MIA2: variants seen among roughly 807,000 people sequenced by gnomAD.
MIA2 encodes the protein melanoma inhibitory activity protein 2.
MIA2 carries 127 observed loss-of-function variants against 167.8 expected under a neutral mutation model. The ratio of observed to expected loss-of-function variants is 0.76; its 90% confidence interval spans 0.66 to 0.88. The LOEUF (loss-of-function observed/expected upper bound fraction) is 0.88, where lower values mean the gene tolerates loss of function less well. Ranked by LOEUF, MIA2 falls within the 40% of genes least tolerant of loss-of-function variation. MIA2 has a pLI of 0.00. For synonymous variants in MIA2, 552 were observed against 541.9 expected (o/e 1.02, Z -0.26); for missense variants, 1,690 against 1,624.7 (o/e 1.04, Z -0.69).
intron 24 of MIA2, among the ~76,000 whole-genome samples, chr14:39,323,987 G>A (rs1440863490): frequency 1.3e-5 from 2 of 152,180 alleles, no homozygotes; most frequent in African/African-American, 4.8e-5. Flanking sequence ...CACCAAAGGA[G>A]GATGGAGAGT....
intron 10 of MIA2, chr14:39,292,674 A>T: frequency 3.2e-6 from 1 of 317,166 alleles, no homozygotes; most frequent in Non-Finnish European, 6.1e-6. Flanking sequence ...ATTTTTCTTT[A>T]ACAAGTTTGT....
At chr14:39,266,705 C>A (rs2152672934) in intron 6 of MIA2, 1 of 985,608 alleles carries the variant, frequency 1.0e-6, no homozygotes, top group East Asian at 1.1e-4. Context: ...CGGCGGCTGG[C>A]TTCTCGGGGC....
At chr14:39,304,649 A>G (rs1390196285) in intron 17 of MIA2, among the ~76,000 whole-genome samples, 1 of 151,858 alleles carries the variant, frequency 6.6e-6, no homozygotes, top group African/African-American at 2.4e-5. Context: ...TTCGAATTAC[A>G]GTGTTATGTG....
rs571672540 is a variant in MIA2 at position 39,342,043 on chromosome 14, GT to G, written c.3656-3857del. Among the ~76,000 whole-genome samples, 871 of 152,214 alleles carry G rather than the reference GT, an allele frequency of 5.7e-3. 9 individuals carry two copies. The highest frequency in any genetic ancestry group is 0.019 in the African/African-American group (801 of 41,538). On this transcript the variant is annotated intron_variant, in intron 25 of 28. Coordinates refer to ENST00000640607, the MANE Select transcript of MIA2 (RefSeq NM_001329214.4). ...AAAAAAAAATTTTATTATACTCTAA[GT>G]TTTAGGGTTCATGTGCACAACGTGC...
chr14:39,302,301 A>C, intron 15 of MIA2, 52 bp downstream of exon 15: 1 of 1,596,850 alleles, frequency 6.3e-7, no homozygotes, highest in Non-Finnish European at 8.6e-7. Context: ...TAGCTCTTCT[A>C]TTTCCTTTTC....
At chr14:39,328,372 G>T (rs1158700745) in intron 25 of MIA2, among the ~76,000 whole-genome samples, 2 of 152,098 alleles carry the variant, frequency 1.3e-5, no homozygotes, top group Non-Finnish European at 2.9e-5. Flanking sequence ...TTAGCCCTTT[G>T]TCAGATGGAT....
chr14:39,325,039 A>G (rs149513757), intron 24 of MIA2, among the ~76,000 whole-genome samples: 348 of 152,328 alleles, frequency 2.3e-3, no homozygotes, highest in African/African-American at 7.9e-3. Context: ...CCTGGGCAAC[A>G]TGGCAAAACC....
At chr14:39,265,608 G>C (rs189261249) in intron 6 of MIA2, 15 of 515,810 alleles carry the variant, frequency 2.9e-5, no homozygotes, top group African/African-American at 2.8e-4. Context: ...GAGGGACATA[G>C]AGTGACTTAG....
At chr14:39,252,617 T>C (rs913453203) in intron 4 of MIA2, 131 bp from the exon 5 acceptor site, 2 of 632,478 alleles carry the variant, frequency 3.2e-6, no homozygotes, top group Non-Finnish European at 5.5e-6. Flanking sequence ...TGTTTTAGTG[T>C]GTCCTTTCTT....
chr14:39,247,902 C>T lies in MIA2; in HGVS notation c.1328C>T (p.Pro443Leu), dbSNP rs141722164. The T allele has an allele frequency of 2.5e-6, 4 of 1,589,028 alleles. No individual in the cohort carries two copies. The highest frequency in any genetic ancestry group is 1.7e-4 in the Middle Eastern group (1 of 5,916). Reference protein sequence around the residue: ...IETEDQIDKKPVSEKTDESDT... With the variant: ...IETEDQIDKKLVSEKTDESDT... Reference sequence around the variant, plus strand: ...ACAGAAGATCAAATAGACAAGAAACCAGTCTCAGAAAAAACAGACGAATCT... The same window carrying T: ...ACAGAAGATCAAATAGACAAGAAACTAGTCTCAGAAAAAACAGACGAATCT... Residue 443 changes from proline to leucine, a missense_variant, in exon 4 of 29, where the codon CCA (proline) becomes CTA (leucine). Pro to Leu is a moderately conservative substitution (Grantham distance 98, BLOSUM62 -3). Coordinates refer to ENST00000640607, the MANE Select transcript of MIA2 (RefSeq NM_001329214.4).
intron 23 of MIA2, among the ~76,000 whole-genome samples, chr14:39,383,352 C>G (rs1017508397): frequency 3.3e-5 from 5 of 152,156 alleles, no homozygotes; most frequent in Non-Finnish European, 5.9e-5. Flanking sequence ...ATCTTTGATG[C>G]TACTATTGTT....
chr14:39,374,158 C>T (rs913950449), intron 23 of MIA2, among the ~76,000 whole-genome samples: 1 of 152,142 alleles, frequency 6.6e-6, no homozygotes, highest in African/African-American at 2.4e-5. Context: ...AGAGTGAAGA[C>T]TGGAAGAGCA....
intron 23 of MIA2, among the ~76,000 whole-genome samples, chr14:39,385,040 A>G (rs1381237497): frequency 2.0e-5 from 3 of 152,236 alleles, no homozygotes; most frequent in Non-Finnish European, 4.4e-5. Flanking sequence ...AATGTTACTT[A>G]AAACTTATTA....
At chr14:39,323,410 A>T (rs1280395578) in intron 24 of MIA2, among the ~76,000 whole-genome samples, 2 of 152,028 alleles carry the variant, frequency 1.3e-5, no homozygotes, top group Non-Finnish European at 1.5e-5. Flanking sequence ...TGACATTGAC[A>T]TGTCTGCTGC....
At chr14:39,339,086 G>A (rs923638683) in intron 25 of MIA2, among the ~76,000 whole-genome samples, 1 of 152,144 alleles carries the variant, frequency 6.6e-6, no homozygotes, top group Admixed American at 6.5e-5. Context: ...GCATTAGTTA[G>A]ATTCTCATAA....
At chr14:39,323,574 A>G (rs922531319) in intron 24 of MIA2, among the ~76,000 whole-genome samples, 2 of 152,028 alleles carry the variant, frequency 1.3e-5, no homozygotes, top group African/African-American at 4.8e-5. Context: ...AGTACTTGCC[A>G]TTACAGTTTT....
In MIA2 at chr14:39,364,711, TTTG is replaced by T. The variant is rs1167504732; in HGVS notation, c.2248+15737_2248+15739del. ...TGGGTATAGTATTCTTGGCTGATAG[TTTG>T]TTTTTTTTGTTTTGTTTTTGTTTTG... is the stretch of plus-strand genomic sequence containing the variant. On this transcript the variant is annotated intron_variant, in intron 23 of 23. Transcript: ENST00000341502. Among the ~76,000 whole-genome samples, 18 of 135,292 alleles carry T rather than the reference TTTG, an allele frequency of 1.3e-4. No individual in the cohort carries two copies. In the South Asian group the frequency reaches 2.7e-3, roughly 21 times the overall value. 88.8% of individuals were successfully genotyped at this position (135,292 alleles called of 152,430 possible). A position where few individuals can be genotyped will look rare whatever the true frequency, so the allele number is the denominator to read the frequency against.
intron 23 of MIA2, among the ~76,000 whole-genome samples, chr14:39,359,670 G>C (rs2074628723): frequency 6.6e-6 from 1 of 152,164 alleles, no homozygotes; most frequent in Non-Finnish European, 1.5e-5. Flanking sequence ...GGCTGGAGCT[G>C]TTCCTATTTG....
At chr14:39,371,749 T>A (rs2074951376) in intron 23 of MIA2, among the ~76,000 whole-genome samples, 1 of 152,254 alleles carries the variant, frequency 6.6e-6, no homozygotes, top group Non-Finnish European at 1.5e-5. Context: ...TATTGTTTTT[T>A]GTGACTAAGA....
Sources: gnomAD v4.1 joint callset for allele counts (sites outside exome capture counted in the v4.1 genomes callset) on GRCh38, gnomAD v4.1.1 for gene constraint, MANE v1.5 for transcripts, NCBI Gene and HGNC (gene_info 2026-07-23, HGNC 2026-07-21) for gene names.